The following TAPT1 variants were observed in gnomAD, a reference collection of about 807,000 sequenced individuals.
TAPT1 encodes transmembrane anterior posterior transformation 1.
Under a neutral mutation model 65.6 loss-of-function variants are expected in TAPT1, and 28 were observed. The observed-to-expected ratio is 0.43, with a 90% CI of 0.32 to 0.59. The LOEUF is 0.59. Among genes scored for constraint, TAPT1 ranks in the 20% least tolerant of loss-of-function variants. TAPT1 has a pLI of 0.09. For missense variants in TAPT1, 563 were observed against 679.9 expected, an observed-to-expected ratio of 0.83 and a Z score of 1.91; for synonymous variants, 278 against 245.2, an observed-to-expected ratio of 1.13 and a Z score of -1.25.
At chr4:16,226,146 G>C in intron 1 of TAPT1, 113 bp downstream of exon 1, 1 of 1,029,370 alleles carries the variant, frequency 9.7e-7, no homozygotes, top group Non-Finnish European at 1.2e-6. Context: ...GGGAGCCCCG[G>C]GAGGCAACGG....
At chr4:16,211,748 G>A (rs936055564) in intron 2 of TAPT1, among the ~76,000 whole-genome samples, 3 of 151,916 alleles carry the variant, frequency 2.0e-5, no homozygotes, top group Admixed American at 6.6e-5. Flanking sequence ...CTTAGTATAG[G>A]CAATGTTCTC....
At chr4:16,196,166 T>A (rs987757388) in intron 3 of TAPT1, among the ~76,000 whole-genome samples, 2 of 152,226 alleles carry the variant, frequency 1.3e-5, no homozygotes, top group South Asian at 4.1e-4. Context: ...TTTTCCTGAA[T>A]TAGAAAATTA....
chr4:16,211,277 C>CA (rs919945359), intron 2 of TAPT1, among the ~76,000 whole-genome samples: 2 of 151,176 alleles, frequency 1.3e-5, no homozygotes, highest in African/African-American at 4.9e-5. Context: ...ACAATGTAAA[C>CA]AAAAAAAGCC....
chr4:16,186,737 A>G, intron 6 of TAPT1, 44 bp downstream of exon 6: 1 of 1,461,818 alleles, frequency 6.8e-7, no homozygotes, highest in Non-Finnish European at 9.5e-7. Flanking sequence ...TGCAGCTGAA[A>G]TGCCTGTATA....
chr4:16,202,615 G>C, intron 2 of TAPT1, 35 bp from the exon 3 acceptor site: 3 of 1,100,430 alleles, frequency 2.7e-6, no homozygotes, highest in Middle Eastern at 2.1e-4. Flanking sequence ...AAAAAAAAAA[G>C]TATTTTAAAA....
At chr4:16,227,153 A>G (rs1484763297), upstream of TAPT1, 2 of 455,824 alleles carry the variant, frequency 4.4e-6, no homozygotes, top group Admixed American at 4.7e-5. Context: ...TTGGGCAAGA[A>G]GGAGCTTGGG....
intron 12 of TAPT1, among the ~76,000 whole-genome samples, chr4:16,167,596 G>C (rs74527416): frequency 0.043 from 6,572 of 152,204 alleles, 246 homozygotes; most frequent in African/African-American, 0.09. Flanking sequence ...GGGGTGAAGT[G>C]TGTCTGTGTG....
chr4:16,215,304 C>T (rs1750873102), intron 1 of TAPT1, among the ~76,000 whole-genome samples: 1 of 151,808 alleles, frequency 6.6e-6, no homozygotes, highest in South Asian at 2.1e-4. Flanking sequence ...ACAACAACAA[C>T]AAAATATATA....
chr4:16,222,019 C>T (rs918170359), intron 1 of TAPT1, among the ~76,000 whole-genome samples: 13 of 152,140 alleles, frequency 8.5e-5, no homozygotes, highest in African/African-American at 3.1e-4. Context: ...AATATTTACA[C>T]ATGTATAGAT....
In TAPT1 at chr4:16,163,318, C is replaced by T. The variant is rs1560677509; in HGVS notation, c.1694G>A (p.Arg565Gln). 1 of 1,613,346 alleles carries T rather than the reference C, an allele frequency of 6.2e-7. No individual in the cohort carries two copies. Among genetic ancestry groups the T allele is most frequent in the Non-Finnish European group, 8.5e-7 (1 of 1,179,296 alleles). The part of the protein sequence containing the change: ...EIDRFTICGN[R>Q]ID ...CATGAAGCCACAGATTCAGTCAATT[C>T]GGTTTCCACAAATTGTGAACCTGTC... The change falls in exon 14 of 14, where the codon CGA (arginine) becomes CAA (glutamine). Residue 565 changes from arginine (R) to glutamine (Q), a missense_variant. Physicochemically the swap from Arg to Gln is conservative, Grantham distance 43 (BLOSUM62 1). Around this residue, in one of 5 missense-constraint regions of TAPT1, gnomAD observed 136 missense variants for 153.9 expected, o/e 0.88. Transcript: ENST00000405303.
intron 2 of TAPT1, among the ~76,000 whole-genome samples, chr4:16,206,194 C>T (rs1339466497): frequency 6.6e-6 from 1 of 152,236 alleles, no homozygotes; most frequent in African/African-American, 2.4e-5. Flanking sequence ...AAGGGATTAT[C>T]ATGAGCCAAG....
At chr4:16,180,166 G>T (rs558297512) in intron 7 of TAPT1, among the ~76,000 whole-genome samples, 1 of 152,102 alleles carries the variant, frequency 6.6e-6, no homozygotes, top group African/African-American at 2.4e-5. Flanking sequence ...GCATTTCCGG[G>T]GGTGTATGTA....
chr4:16,189,416 T>C (rs529767346), intron 4 of TAPT1, among the ~76,000 whole-genome samples: 3 of 152,358 alleles, frequency 2.0e-5, no homozygotes, highest in South Asian at 2.1e-4. Context: ...GGGTCTAAGA[T>C]GCTTGGCATG....
In TAPT1 at chr4:16,213,622, C is replaced by T. The variant is rs189629110; in HGVS notation, c.330+146G>A. 5.4e-4 allele frequency: 366 copies of T among 672,870 alleles called. 1 individual carries two copies. The East Asian group carries it at 0.011, about 20-fold the overall frequency. The allele number at this position is 672,870 out of a possible 1,614,324, so 41.7% of individuals were successfully genotyped here. Reference sequence around the variant, plus strand: ...ACTAAAAAATGTAACTTTAAAGCTTCTTCCTGTAAGGAAATTTCTACTCCC... The same window carrying T: ...ACTAAAAAATGTAACTTTAAAGCTTTTTCCTGTAAGGAAATTTCTACTCCC... On this transcript the variant is annotated intron_variant, in intron 2 of 13. Coordinates refer to ENST00000405303, the MANE Select transcript of TAPT1 (RefSeq NM_153365.3).
intron 1 of TAPT1, among the ~76,000 whole-genome samples, chr4:16,217,457 G>A (rs1303687701): frequency 4.6e-5 from 7 of 152,224 alleles, no homozygotes; most frequent in African/African-American, 1.7e-4. Flanking sequence ...CTCTTTAGGA[G>A]TCAGGCAGCA....
intron 1 of TAPT1, among the ~76,000 whole-genome samples, chr4:16,222,878 G>A (rs1425937821): frequency 6.6e-6 from 1 of 152,190 alleles, no homozygotes; most frequent in Non-Finnish European, 1.5e-5. Context: ...ATGGGTCCAT[G>A]GCACTGTTAC....
chr4:16,209,439 T>C (rs371580636), intron 2 of TAPT1, among the ~76,000 whole-genome samples: 3 of 152,314 alleles, frequency 2.0e-5, no homozygotes, highest in East Asian at 3.9e-4. Flanking sequence ...TGGAGCAAAT[T>C]AATAATTAAG....
intron 2 of TAPT1, among the ~76,000 whole-genome samples, chr4:16,212,108 G>A (rs990607063): frequency 8.5e-5 from 13 of 152,188 alleles, no homozygotes; most frequent in Non-Finnish European, 1.5e-4. Flanking sequence ...CACAGGAGGG[G>A]TAATAAAAGG....
At chr4:16,222,799 G>A (rs532252659) in intron 1 of TAPT1, among the ~76,000 whole-genome samples, 9 of 151,766 alleles carry the variant, frequency 5.9e-5, no homozygotes, top group African/African-American at 2.2e-4. Context: ...AGGGAGAGGA[G>A]AGAGGCAAAA....
Sources: gnomAD v4.1 joint callset for allele counts (sites outside exome capture counted in the v4.1 genomes callset) on GRCh38, gnomAD v4.1.1 for gene constraint, gnomAD v4.1.1 regional missense constraint, MANE v1.5 for transcripts, NCBI Gene and HGNC (gene_info 2026-07-23, HGNC 2026-07-21) for gene names.